The following PCDHGA10 variants were observed in gnomAD, a reference collection of about 807,000 sequenced individuals.
PCDHGA10 encodes protocadherin gamma subfamily A, 10.
Under a neutral mutation model 59.5 loss-of-function variants are expected in PCDHGA10, and 42 were observed. That is an observed-to-expected ratio of 0.71 (90% CI 0.55 to 0.91). The LOEUF is 0.91. Ranked by LOEUF, PCDHGA10 falls within the 40% of genes least tolerant of loss-of-function variation. PCDHGA10 has a pLI of 0.00. For synonymous variants in PCDHGA10, 511 were observed against 517.2 expected (o/e 0.99, Z 0.16); for missense variants, 1,111 against 1,198.2 (o/e 0.93, Z 1.07).
intron 1 of PCDHGA10, chr5:141,427,848 C>A: frequency 6.4e-7 from 1 of 1,551,668 alleles, no homozygotes; most frequent in Non-Finnish European, 8.8e-7. Flanking sequence ...CGACCACGAG[C>A]AGCTGTGCGC....
At chr5:141,419,797 A>G (rs371201079) in intron 1 of PCDHGA10, 14 of 1,613,920 alleles carry the variant, frequency 8.7e-6, no homozygotes, top group Non-Finnish European at 1.1e-5. Flanking sequence ...TAGTCGCTGT[A>G]AGAGATGGAG....
rs1033888717 is a variant in PCDHGA10 at position 141,512,540 on chromosome 5, T to C, written c.*1367T>C. 6.5e-6 allele frequency: 1 copy of C among 152,886 alleles called. No homozygotes were observed. Among genetic ancestry groups the C allele is most frequent in the African/African-American group, 2.4e-5 (1 of 41,476 alleles). 9.5% of individuals were successfully genotyped at this position (152,886 alleles called of 1,614,324 possible). ...CCATAGCCTGGTTAAAGTTCCCCAGTGCCTCCTTGTGCATAGACCTTCTTC... is the reference window on the plus strand; with the variant it reads ...CCATAGCCTGGTTAAAGTTCCCCAGCGCCTCCTTGTGCATAGACCTTCTTC... On this transcript the variant is annotated 3_prime_UTR_variant, in exon 4 of 4. Transcript: ENST00000398610.
chr5:141,491,014 G>A lies in PCDHGA10; in HGVS notation c.2437-3793G>A, dbSNP rs761902295. On this transcript the variant is annotated intron_variant, in intron 1 of 3. Transcript: ENST00000398610. This position sits in a 1 kb window ranked among gnomAD's most constrained non-coding sequence, Gnocchi z 6.9. ...TCCTCCTGGCTCCTTGGTCACCAAG[G>A]TGACAGCCGTGGATGCTGATGCAGG... 6 of 1,614,134 alleles carry A rather than the reference G, an allele frequency of 3.7e-6. No individual in the cohort carries two copies. Among genetic ancestry groups the A allele is most frequent in the Non-Finnish European group, 4.2e-6 (5 of 1,180,044 alleles).
intron 1 of PCDHGA10, chr5:141,416,921 G>C (rs985660835): frequency 6.6e-6 from 1 of 151,994 alleles, no homozygotes; most frequent in Non-Finnish European, 1.5e-5. Flanking sequence ...TAGGGTCATA[G>C]TTATTAACTA....
intron 1 of PCDHGA10, chr5:141,419,070 T>G: frequency 6.2e-7 from 1 of 1,613,926 alleles, no homozygotes; most frequent in Non-Finnish European, 8.5e-7. Context: ...TACTACAAGC[T>G]AGTAACAGAT....
At chr5:141,444,152 A>ATTTTTTTTTTTTTTTTT (rs747671382) in intron 1 of PCDHGA10, among the ~76,000 whole-genome samples, 1 of 33,898 alleles carries the variant, frequency 3.0e-5, no homozygotes, top group African/African-American at 1.4e-4. Context: ...TGTGTACTGG[A>ATTTTTTTTTTTTTTTTT]TTTTTTTTTT....
intron 1 of PCDHGA10, among the ~76,000 whole-genome samples, chr5:141,471,913 G>A (rs1307168228): frequency 6.6e-6 from 1 of 152,164 alleles, no homozygotes. Context: ...CAAGCATGAG[G>A]GAAATTTTGG....
Position 141,414,037 on chromosome 5 carries a change from T to C in PCDHGA10, c.862T>C (p.Leu288=), listed in dbSNP as rs769920301. 2 of 1,611,060 alleles carry C rather than the reference T, an allele frequency of 1.2e-6. No homozygotes were observed. Among genetic ancestry groups the C allele is most frequent in the Admixed American group, 1.7e-5 (1 of 59,702 alleles). The change falls in exon 1 of 4, where the codon TTA becomes CTA. Residue 288 remains leucine (L), a synonymous_variant. Transcript: ENST00000398610. Reference sequence around the variant, plus strand: ...AGAAGTGACATATTCATTCCGAAAATTACCTGACACGCAATTGTTGAAGTT... The same window carrying C: ...AGAAGTGACATATTCATTCCGAAAACTACCTGACACGCAATTGTTGAAGTT... ...NGEVTYSFRK[L]PDTQLLKFQL...
chr5:141,415,105 C>T lies in PCDHGA10; in HGVS notation c.1930C>T (p.Gln644Ter), dbSNP rs1472993181. ...RALLDRDALK[Q>*]SLVVAVQDHG... is the part of the protein sequence containing the mutation. ...CCTGCTGGACAGAGACGCGCTCAAG[C>T]AAAGCCTCGTAGTGGCCGTCCAGGA... The change falls in exon 1 of 4, where the codon CAA (glutamine) becomes TAA (stop). Residue 644 changes from glutamine (Q) to a stop codon, truncating the protein, a stop_gained. Transcript: ENST00000398610. LOFTEE classifies it high-confidence loss of function. 6.2e-7 allele frequency: 1 copy of T among 1,613,652 alleles called. No homozygotes were observed. Among genetic ancestry groups the T allele is most frequent in the African/African-American group, 1.3e-5 (1 of 75,078 alleles).
intron 1 of PCDHGA10, chr5:141,420,314 A>G (rs1454977890): frequency 6.9e-7 from 1 of 1,442,692 alleles, no homozygotes; most frequent in African/African-American, 1.4e-5. Flanking sequence ...TTTATATTAC[A>G]ATATGCCAAT....
rs780040293 is a variant in PCDHGA10, at chr5:141,414,046, A to G, written c.871A>G (p.Thr291Ala). ...ATATTCATTCCGAAAATTACCTGAC[A>G]CGCAATTGTTGAAGTTCCAACTAAA... is the stretch of plus-strand genomic sequence containing the variant. Reference protein sequence around the residue: ...VTYSFRKLPDTQLLKFQLNKY... With the variant: ...VTYSFRKLPDAQLLKFQLNKY... The change falls in exon 1 of 4, where the codon ACG becomes GCG. Residue 291 changes from threonine (T) to alanine (A), a missense_variant. By Grantham distance (58) the Thr-to-Ala change is moderately conservative. Transcript: ENST00000398610. 1 of 1,611,254 alleles carries G rather than the reference A, an allele frequency of 6.2e-7. No homozygotes were observed. Among genetic ancestry groups the G allele is most frequent in the Non-Finnish European group, 8.5e-7 (1 of 1,178,776 alleles).
rs1242637725 is a variant in PCDHGA10 at position 141,432,619 on chromosome 5, T to G, written c.2436+17008T>G. 3.1e-6 allele frequency: 5 copies of G among 1,612,618 alleles called. No homozygotes were observed. The highest frequency in any genetic ancestry group is 1.7e-5 in the Admixed American group (1 of 59,934). On this transcript the variant is annotated intron_variant, in intron 1 of 3. Transcript: ENST00000398610. This position sits in a 1 kb window ranked among gnomAD's most constrained non-coding sequence, Gnocchi z 6.0. ...GCGAGCCGGGACTCTTCTCGGTGGG[T>G]CTGCACACGGGCGAGGTGCGCACGG... is the stretch of plus-strand genomic sequence containing the variant.
intron 1 of PCDHGA10, chr5:141,492,033 C>A: frequency 1.8e-6 from 1 of 548,342 alleles, no homozygotes; most frequent in Non-Finnish European, 3.1e-6. Flanking sequence ...CGGGAGGAGG[C>A]AGTCACAGAT....
chr5:141,416,006 G>A, intron 1 of PCDHGA10: 1 of 253,216 alleles, frequency 3.9e-6, no homozygotes, highest in Non-Finnish European at 7.3e-6. Context: ...GGTCTGGTAA[G>A]AATAGGTAAG....
At chr5:141,450,957 T>G (rs2154563418) in intron 1 of PCDHGA10, among the ~76,000 whole-genome samples, 1 of 152,010 alleles carries the variant, frequency 6.6e-6, no homozygotes, top group Non-Finnish European at 1.5e-5. Context: ...CCCAAGTAGC[T>G]GGGATTACAG....
rs529029548 is a variant in PCDHGA10 at position 141,483,337 on chromosome 5, T to C, written c.2437-11470T>C. 9.2e-5 allele frequency among the ~76,000 whole-genome samples: 14 copies of C among 152,260 alleles called. No homozygotes were observed. In the East Asian group the frequency reaches 2.5e-3, roughly 27 times the overall value. On this transcript the variant is annotated intron_variant, in intron 1 of 3. Transcript: ENST00000398610. Reference sequence around the variant, plus strand: ...TGGGACTGGAGGCAAAGAGATCTTATCTCTTTGCAATAGTTTGAAAGCTAT... The same window carrying C: ...TGGGACTGGAGGCAAAGAGATCTTACCTCTTTGCAATAGTTTGAAAGCTAT...
Position 141,414,498 on chromosome 5 carries a change from C to CT in PCDHGA10, c.1326dup (p.Met443TyrfsTer9), listed in dbSNP as rs748856262. The CT allele has an allele frequency of 2.5e-5, 40 of 1,613,848 alleles. No individual in the cohort carries two copies. Among genetic ancestry groups the CT allele is most frequent in the Non-Finnish European group, 3.3e-5 (39 of 1,179,908 alleles). Reference sequence around the variant, plus strand: ...GTCCTCCTCTATCAACGGAAGCTCACTTTATGCTACAAGTGGCAGATATCA... The same window carrying CT: ...GTCCTCCTCTATCAACGGAAGCTCACTTTTATGCTACAAGTGGCAGATATCA... On this transcript the variant is annotated frameshift_variant, in exon 1 of 4. Coordinates refer to ENST00000398610, the MANE Select transcript of PCDHGA10 (RefSeq NM_018913.3). LOFTEE classifies it high-confidence loss of function.
At chr5:141,472,176 G>C (rs1416695177) in intron 1 of PCDHGA10, among the ~76,000 whole-genome samples, 3 of 152,144 alleles carry the variant, frequency 2.0e-5, no homozygotes, top group Non-Finnish European at 2.9e-5. Context: ...GTAATATCCA[G>C]TATTGGAATT....
In PCDHGA10 at chr5:141,487,260, C is replaced by T; in HGVS notation, c.2437-7547C>T. 6.2e-7 allele frequency: 1 copy of T among 1,614,116 alleles called. No homozygotes were observed. The highest frequency in any genetic ancestry group is 1.1e-5 in the South Asian group (1 of 91,080). On this transcript the variant is annotated intron_variant, in intron 1 of 3. Coordinates refer to ENST00000398610, the MANE Select transcript of PCDHGA10 (RefSeq NM_018913.3). The surrounding 1 kb of genome is among the most constrained non-coding windows in gnomAD (Gnocchi z 5.0). ...CGTCTAACCCTCTACTTGGCTGTGT[C>T]CCTAGTGGCAATTTGCTTTGTCTCC...
Sources: gnomAD v4.1 joint callset for allele counts (sites outside exome capture counted in the v4.1 genomes callset) on GRCh38, gnomAD v4.1.1 for gene constraint, Gnocchi (gnomAD v3.1) non-coding constraint, MANE v1.5 for transcripts, NCBI Gene and HGNC (gene_info 2026-07-23, HGNC 2026-07-21) for gene names.